The following PLD5 variants were observed in gnomAD, a reference collection of about 807,000 sequenced individuals.
The protein encoded by PLD5 is phospholipase D family member 5.
Under a neutral mutation model 61.1 loss-of-function variants are expected in PLD5, and 36 were observed. That is an observed-to-expected ratio of 0.59 (90% CI 0.45 to 0.78). PLD5 has a LOEUF of 0.78. PLD5 is among the 30% of genes least tolerant of loss of function. The pLI, the probability that PLD5 is intolerant of heterozygous loss-of-function variation, is 0.00. For synonymous variants in PLD5, 243 were observed against 242.8 expected, an observed-to-expected ratio of 1.00 and a Z score of -0.01; for missense variants, 515 against 644.4, an observed-to-expected ratio of 0.80 and a Z score of 2.17.
intron 1 of PLD5, among the ~76,000 whole-genome samples, chr1:242,352,736 T>C (rs1171425829): frequency 2.0e-5 from 3 of 152,226 alleles, no homozygotes; most frequent in Non-Finnish European, 4.4e-5. Flanking sequence ...TGATAGCCAC[T>C]CTAACAGGTG....
At chr1:242,397,036 C>T (rs537797625) in intron 1 of PLD5, among the ~76,000 whole-genome samples, 1 of 152,112 alleles carries the variant, frequency 6.6e-6, no homozygotes, top group Admixed American at 6.5e-5. Context: ...AGTTTCTATT[C>T]TCTTTTATAT....
intron 1 of PLD5, among the ~76,000 whole-genome samples, chr1:242,369,430 A>T (rs1571993443): frequency 6.6e-6 from 1 of 152,186 alleles, no homozygotes; most frequent in East Asian, 1.9e-4. Flanking sequence ...ATATAACAAC[A>T]AGGATGGTCA....
chr1:242,234,141 T>C (rs891944047), intron 4 of PLD5, among the ~76,000 whole-genome samples: 1 of 152,180 alleles, frequency 6.6e-6, no homozygotes. Flanking sequence ...AAAAAAAAAT[T>C]ACAATGTGTC....
chr1:242,351,559 C>T (rs528660498), intron 1 of PLD5, among the ~76,000 whole-genome samples: 2 of 152,294 alleles, frequency 1.3e-5, no homozygotes, highest in African/African-American at 4.8e-5. Flanking sequence ...TGTGCCTTTG[C>T]TCCTCCTTCA....
chr1:242,438,580 A>T (rs1438593536), intron 1 of PLD5, among the ~76,000 whole-genome samples: 1 of 151,424 alleles, frequency 6.6e-6, no homozygotes, highest in East Asian at 2.0e-4. Flanking sequence ...GAGTACTCAG[A>T]TTACCGGCAC....
intron 5 of PLD5, among the ~76,000 whole-genome samples, chr1:242,183,246 A>T (rs1171509662): frequency 2.6e-5 from 4 of 152,212 alleles, no homozygotes; most frequent in Non-Finnish European, 4.4e-5. Flanking sequence ...GCTTTGCTTT[A>T]CTATAGTTTG....
In PLD5 at chr1:242,315,475, T is replaced by A. The variant is rs74152338; in HGVS notation, c.327-26945A>T. On this transcript the variant is annotated intron_variant, in intron 2 of 9. Transcript: ENST00000536534. ...GGGAAATACAGAAGAAAAATGCCCT[T>A]CTACCCTTCAGGCTTACTCACTTAC... Among the ~76,000 whole-genome samples, 1,483 of 152,230 alleles carry A rather than the reference T, an allele frequency of 9.7e-3. 30 individuals carry two copies. Among genetic ancestry groups the A allele is most frequent in the African/African-American group, 0.034 (1,431 of 41,528 alleles).
intron 5 of PLD5, among the ~76,000 whole-genome samples, chr1:242,193,487 G>T (rs1668413102): frequency 6.6e-6 from 1 of 152,188 alleles, no homozygotes; most frequent in South Asian, 2.1e-4. Context: ...CCACGGAGGG[G>T]TTCCCCTTGC....
chr1:242,348,390 A>G (rs1574774983), intron 1 of PLD5, 148 bp from the exon 2 acceptor site: 8 of 862,146 alleles, frequency 9.3e-6, no homozygotes, highest in African/African-American at 1.7e-5. Flanking sequence ...TCTAGTGAAC[A>G]TGCCAAAGAT....
At chr1:242,130,964 T>C (rs759242239) in intron 5 of PLD5, among the ~76,000 whole-genome samples, 18 of 152,224 alleles carry the variant, frequency 1.2e-4, no homozygotes, top group Non-Finnish European at 1.8e-4. Flanking sequence ...TCTCAACAAC[T>C]GTAGTCCACT....
intron 8 of PLD5, among the ~76,000 whole-genome samples, chr1:242,105,222 G>GTTT (rs570259900): frequency 6.8e-6 from 1 of 146,566 alleles, no homozygotes; most frequent in Admixed American, 6.8e-5. Context: ...CTGTGTGTTG[G>GTTT]TTTTTTTTTT....
At chr1:242,502,947 T>C (rs558042824) in intron 1 of PLD5, among the ~76,000 whole-genome samples, 15 of 152,096 alleles carry the variant, frequency 9.9e-5, no homozygotes, top group African/African-American at 3.4e-4. Flanking sequence ...TGTGATCCCA[T>C]ATACTTGGGA....
chr1:242,468,830 CA>C (rs2102946293), intron 1 of PLD5, among the ~76,000 whole-genome samples: 1 of 152,266 alleles, frequency 6.6e-6, no homozygotes, highest in East Asian at 1.9e-4. Flanking sequence ...TCTTACTATG[CA>C]TCATGCTCCA....
intron 5 of PLD5, among the ~76,000 whole-genome samples, chr1:242,199,491 G>C (rs546177564): frequency 6.6e-5 from 10 of 152,188 alleles, no homozygotes; most frequent in Non-Finnish European, 8.8e-5. Flanking sequence ...CTGGCCTCAA[G>C]TGATCTGCCT....
rs1440159623 is a variant in PLD5, at chr1:242,393,594, GTA to G, written c.190-45354_190-45353del. Reference sequence around the variant, plus strand: ...TGTATATATATGAGTATACATATGTGTATATATATGAGCATATATGTGTATAT... The same window carrying G: ...TGTATATATATGAGTATACATATGTGTATATATGAGCATATATGTGTATAT... On this transcript the variant is annotated intron_variant, in intron 1 of 9. Transcript: ENST00000536534. Among the ~76,000 whole-genome samples the G allele has an allele frequency of 2.6e-4, 24 of 91,368 alleles. 4 individuals are homozygous for G. The East Asian group carries it at 5.4e-3, about 21-fold the overall frequency. 59.9% of individuals were successfully genotyped at this position (91,368 alleles called of 152,430 possible).
rs976773256 is a variant in PLD5 at position 242,089,758 on chromosome 1, C to T, written c.*96G>A. 1.6e-5 allele frequency: 24 copies of T among 1,479,684 alleles called. No homozygotes were observed. Among genetic ancestry groups the T allele is most frequent in the African/African-American group, 1.6e-4 (11 of 70,840 alleles). 91.7% of individuals were successfully genotyped at this position (1,479,684 alleles called of 1,614,324 possible). On this transcript the variant is annotated 3_prime_UTR_variant, in exon 10 of 10. Coordinates refer to ENST00000536534, the MANE Select transcript of PLD5 (RefSeq NM_001372062.1). ...TATTTTTTATAAGTGTGCTTTTTCC[C>T]TAAAAAAAGAGACATATTAAAGTGT...
At position 242,416,096 on chromosome 1, in the gene PLD5, T is replaced by C. The variant is rs149968161; in HGVS notation, c.190-67854A>G. Among the ~76,000 whole-genome samples the C allele has an allele frequency of 2.1e-4, 32 of 152,152 alleles. 1 individual carries two copies. Among genetic ancestry groups the C allele is most frequent in the African/African-American group, 7.5e-4 (31 of 41,508 alleles). On this transcript the variant is annotated intron_variant, in intron 1 of 9. Transcript: ENST00000536534. ...CTGTATTGTTGGTGGCAGTATTGGC[T>C]ACTGTTTTCTAAGATCAGTTCAGGT...
rs771508493 is a variant in PLD5, at chr1:242,089,941, C to T, written c.1524G>A (p.Pro508=). The T allele has an allele frequency of 2.5e-5, 41 of 1,613,974 alleles. No individual in the cohort carries two copies. The Admixed American group carries it at 4.2e-4, about 16-fold the overall frequency. Residue 508 remains proline, a synonymous_variant, in exon 10 of 10, where the codon CCG becomes CCA. Transcript: ENST00000536534. ...YAKTLQPTKQ[P]NCSSLFKLKP... ...TGAGTTTGAACAGGCTTGAGCAGTT[C>T]GGCTGTTTGGTTGGCTGTAAGGTTT...
chr1:242,485,496 C>T (rs1667928574), intron 1 of PLD5, among the ~76,000 whole-genome samples: 1 of 152,102 alleles, frequency 6.6e-6, no homozygotes, highest in African/African-American at 2.4e-5. Flanking sequence ...ACCTAGGAAT[C>T]CAATTTACAA....
Sources: allele counts gnomAD v4.1 joint callset (sites outside exome capture counted in the v4.1 genomes callset), GRCh38; gene constraint gnomAD v4.1.1; transcripts MANE v1.5; gene names NCBI Gene and HGNC (gene_info 2026-07-23, HGNC 2026-07-21).